Variants in THSD7A observed in about 807,000 individuals in gnomAD.
The protein encoded by THSD7A is thrombospondin type 1 domain containing 7A.
A neutral mutation model predicts 231.3 loss-of-function variants in THSD7A; 96 were observed. The observed-to-expected ratio is 0.41, with a 90% confidence interval of 0.35 to 0.49. The LOEUF is 0.49. Among genes scored for constraint, THSD7A ranks in the 20% least tolerant of loss-of-function variants. The pLI, the probability that THSD7A is intolerant of heterozygous loss-of-function variation, is 0.05. For synonymous variants in THSD7A, 940 were observed against 743.3 expected, an observed-to-expected ratio of 1.26 and a Z score of -4.30; for missense variants, 2,290 against 2,070.2, an observed-to-expected ratio of 1.11 and a Z score of -2.06.
At chr7:11,467,002 A>G (rs900035588) in intron 9 of THSD7A, among the ~76,000 whole-genome samples, 1 of 152,016 alleles carries the variant, frequency 6.6e-6, no homozygotes, top group African/African-American at 2.4e-5. Context: ...CTACCCGCAT[A>G]ACACGATTCA....
rs2128320378 is a variant in THSD7A at position 11,534,477 on chromosome 7, C to T, written c.1822+6942G>A. 1.3e-5 allele frequency among the ~76,000 whole-genome samples: 2 copies of T among 152,098 alleles called. 1 individual carries two copies. Among genetic ancestry groups the T allele is most frequent in the South Asian group, 4.2e-4 (2 of 4,796 alleles). ...ATGTACCAATGGGGTACCAATGTAC[C>T]CCAGCTGACAGCACCAATGCCAGAT... On this transcript the variant is annotated intron_variant, in intron 6 of 27. Transcript: ENST00000423059.
chr7:11,568,479 G>C (rs1281785482), intron 4 of THSD7A, among the ~76,000 whole-genome samples: 2 of 151,716 alleles, frequency 1.3e-5, no homozygotes, highest in African/African-American at 4.8e-5. Context: ...CAAAAAATTG[G>C]CCAGGTGTGG....
chr7:11,424,056 C>A (rs1784238347), intron 16 of THSD7A, among the ~76,000 whole-genome samples: 2 of 152,152 alleles, frequency 1.3e-5, no homozygotes, highest in Non-Finnish European at 2.9e-5. Context: ...TCCAATGGAA[C>A]TTTCTGCCAT....
chr7:11,577,288 C>A (rs951624737), intron 4 of THSD7A, among the ~76,000 whole-genome samples: 2 of 145,982 alleles, frequency 1.4e-5, no homozygotes, highest in African/African-American at 5.0e-5. Context: ...ACATATAAAA[C>A]AATAGAAGTG....
At chr7:11,773,298 C>G (rs1783294225) in intron 1 of THSD7A, among the ~76,000 whole-genome samples, 1 of 152,136 alleles carries the variant, frequency 6.6e-6, no homozygotes, top group Non-Finnish European at 1.5e-5. Context: ...CTTTGGGAGG[C>G]CGAGGCGGGC....
At chr7:11,663,378 G>A (rs545183818) in intron 1 of THSD7A, among the ~76,000 whole-genome samples, 24 of 151,568 alleles carry the variant, frequency 1.6e-4, no homozygotes, top group Non-Finnish European at 3.0e-4. Context: ...ATGTCTGCAA[G>A]GAAAATGTTT....
chr7:11,516,797 A>G (rs1788048540), intron 6 of THSD7A, among the ~76,000 whole-genome samples: 2 of 152,212 alleles, frequency 1.3e-5, no homozygotes, highest in Non-Finnish European at 2.9e-5. Context: ...CACCAGGTGT[A>G]TTAAATAATG....
chr7:11,446,229 C>T lies in THSD7A; in HGVS notation c.2896G>A (p.Val966Met). 6.2e-7 allele frequency: 1 copy of T among 1,613,542 alleles called. No homozygotes were observed. ...AAAATACAGTCTGACCAGTTCCCCACAGGTTGTGCATTATATTTGTCACAA... is the reference window on the plus strand; with the variant it reads ...AAAATACAGTCTGACCAGTTCCCCATAGGTTGTGCATTATATTTGTCACAA... ...CPCDKYNAQP[V>M]GNWSDCILPE... Residue 966 changes from valine (V) to methionine (M), a missense_variant, in exon 13 of 28, where the codon GTG (valine) becomes ATG (methionine). Val to Met is a conservative substitution (Grantham distance 21). Transcript: ENST00000423059. This position sits in a 1 kb window ranked among gnomAD's most constrained non-coding sequence, Gnocchi z 4.0.
chr7:11,445,209 G>A (rs1377392185), intron 13 of THSD7A, among the ~76,000 whole-genome samples: 3 of 151,958 alleles, frequency 2.0e-5, no homozygotes, highest in Admixed American at 6.6e-5. Context: ...CTTCTATCAA[G>A]TAAGTAAGAG....
chr7:11,555,038 G>A lies in THSD7A; in HGVS notation c.1454-11921C>T, dbSNP rs539401702. On this transcript the variant is annotated intron_variant, in intron 4 of 27. Transcript: ENST00000423059. ...CTAGAGGTTTAATGATCTATTGAAT[G>A]AACCAGCTGTTTGTTTTATTGGTTT... Among the ~76,000 whole-genome samples the A allele has an allele frequency of 8.6e-5, 13 of 151,818 alleles. 1 individual carries two copies. The highest frequency in any genetic ancestry group is 2.9e-4 in the African/African-American group (12 of 41,474).
chr7:11,728,666 C>T (rs1260214150), intron 1 of THSD7A, among the ~76,000 whole-genome samples: 1 of 151,744 alleles, frequency 6.6e-6, no homozygotes, highest in Non-Finnish European at 1.5e-5. Flanking sequence ...TATATAAATG[C>T]ATTTTGTACT....
At chr7:11,456,059 T>G (rs1785297789) in intron 11 of THSD7A, among the ~76,000 whole-genome samples, 1 of 151,988 alleles carries the variant, frequency 6.6e-6, no homozygotes. Context: ...GTTACATTTT[T>G]CTATCAATAT....
chr7:11,761,623 T>G (rs1043383945), intron 1 of THSD7A, among the ~76,000 whole-genome samples: 1 of 152,146 alleles, frequency 6.6e-6, no homozygotes, highest in Admixed American at 6.6e-5. Context: ...TTCTTATCAT[T>G]TACCATCTAT....
chr7:11,513,362 A>G (rs75135125), intron 6 of THSD7A, among the ~76,000 whole-genome samples: 5 of 116,080 alleles, frequency 4.3e-5, no homozygotes, highest in Non-Finnish European at 7.4e-5. Flanking sequence ...AAGAATAAAA[A>G]AAACCAAAAA....
At chr7:11,823,687 A>T (rs1784938396) in intron 1 of THSD7A, among the ~76,000 whole-genome samples, 2 of 151,972 alleles carry the variant, frequency 1.3e-5, no homozygotes, top group African/African-American at 4.8e-5. Context: ...AGTTAAATTC[A>T]TTTATAAGTA....
At chr7:11,393,631 G>T (rs1276157842) in intron 23 of THSD7A, among the ~76,000 whole-genome samples, 1 of 152,182 alleles carries the variant, frequency 6.6e-6, no homozygotes, top group South Asian at 2.1e-4. Context: ...AAAGTTAGAT[G>T]AATTGCTAAC....
In THSD7A at chr7:11,379,238, A is replaced by T. The variant is rs1782410066; in HGVS notation, c.4633T>A (p.Ser1545Thr). 2.5e-6 allele frequency: 4 copies of T among 1,613,648 alleles called. No individual in the cohort carries two copies. In the African/African-American group the frequency reaches 5.3e-5, roughly 22 times the overall value. ...CATTGCTCAAGGGTGCTGTTAGAAG[A>T]CATGACTTCAGTGTACCCTTCTTCA... ...HCEEGYTEVM[S>T]SNSTLEQCTL... Residue 1545 changes from serine to threonine, a missense_variant, in exon 26 of 28, where the codon TCT (serine) becomes ACT (threonine). Coordinates refer to ENST00000423059, the MANE Select transcript of THSD7A (RefSeq NM_015204.3).
chr7:11,381,279 T>C (rs943282262), intron 24 of THSD7A, among the ~76,000 whole-genome samples: 2 of 152,154 alleles, frequency 1.3e-5, no homozygotes, highest in African/African-American at 2.4e-5. Context: ...ATGTCTTTTC[T>C]TTGTTCCGTA....
intron 1 of THSD7A, among the ~76,000 whole-genome samples, chr7:11,686,169 C>T (rs1171327459): frequency 6.6e-6 from 1 of 151,622 alleles, no homozygotes; most frequent in Non-Finnish European, 1.5e-5. Context: ...GAACAATAGA[C>T]ACTGGGGATT....
Sources: allele counts gnomAD v4.1 joint callset (sites outside exome capture counted in the v4.1 genomes callset), GRCh38; gene constraint gnomAD v4.1.1; non-coding constraint Gnocchi (gnomAD v3.1); transcripts MANE v1.5; gene names NCBI Gene and HGNC (gene_info 2026-07-23, HGNC 2026-07-21).